Variants in EPB41L4A observed in about 807,000 individuals in gnomAD.
EPB41L4A encodes the protein erythrocyte membrane protein band 4.1 like 4A.
In EPB41L4A, 100 loss-of-function variants were observed where a neutral mutation model predicts 108.6. That is an observed-to-expected ratio of 0.92 (90% CI 0.78 to 1.09). The LOEUF is 1.09. Ranked by LOEUF, EPB41L4A falls within the 50% of genes least tolerant of loss-of-function variation. EPB41L4A has a pLI of 0.00. For synonymous variants in EPB41L4A, 319 were observed against 289.0 expected (o/e 1.10, Z -1.05); for missense variants, 1,030 against 842.7 (o/e 1.22, Z -2.75).
intron 15 of EPB41L4A, among the ~76,000 whole-genome samples, chr5:112,199,967 C>A (rs1580417744): frequency 6.6e-6 from 1 of 152,336 alleles, no homozygotes; most frequent in Admixed American, 6.5e-5. Flanking sequence ...CAGTGAGGGT[C>A]ATCTGTACAA....
chr5:112,240,844 G>A, intron 9 of EPB41L4A, 34 bp from the exon 10 acceptor site: 1 of 1,321,590 alleles, frequency 7.6e-7, no homozygotes, highest in African/African-American at 1.5e-5. Flanking sequence ...TATGAATAAT[G>A]ACCAGGGAAG....
intron 3 of EPB41L4A, among the ~76,000 whole-genome samples, chr5:112,278,124 A>C (rs1245680714): frequency 1.3e-5 from 2 of 152,186 alleles, no homozygotes; most frequent in Non-Finnish European, 2.9e-5. Context: ...CTTTCTGACT[A>C]ATCTATTAGA....
At chr5:112,300,009 T>C (rs1356031994) in intron 2 of EPB41L4A, among the ~76,000 whole-genome samples, 3 of 152,192 alleles carry the variant, frequency 2.0e-5, no homozygotes, top group African/African-American at 7.2e-5. Context: ...TCTTTTTCCA[T>C]CCCTTTATCT....
chr5:112,281,597 G>A (rs1397110854), intron 2 of EPB41L4A, among the ~76,000 whole-genome samples: 1 of 152,230 alleles, frequency 6.6e-6, no homozygotes, highest in East Asian at 1.9e-4. Flanking sequence ...TAATGAAGAA[G>A]GGGCAATTCC....
intron 9 of EPB41L4A, chr5:112,250,661 T>C (rs925908755): frequency 1.3e-5 from 2 of 152,166 alleles, no homozygotes; most frequent in African/African-American, 4.8e-5. Flanking sequence ...GTTTCAATTA[T>C]GGACAAAATC....
At chr5:112,260,512 G>C (rs919251808) in intron 7 of EPB41L4A, among the ~76,000 whole-genome samples, 9 of 152,178 alleles carry the variant, frequency 5.9e-5, no homozygotes, top group African/African-American at 1.9e-4. Context: ...GAAACCCACT[G>C]CATCCCCACC....
chr5:112,244,995 G>A (rs751914924), intron 9 of EPB41L4A, among the ~76,000 whole-genome samples: 7 of 151,674 alleles, frequency 4.6e-5, no homozygotes, highest in African/African-American at 1.5e-4. Context: ...ACAGTGACAC[G>A]AAGTGAGCAT....
chr5:112,196,955 C>T (rs1164402672), intron 15 of EPB41L4A: 2 of 152,188 alleles, frequency 1.3e-5, no homozygotes, highest in African/African-American at 4.8e-5. Context: ...CCAGATGTAA[C>T]TCTTTCATCT....
intron 1 of EPB41L4A, among the ~76,000 whole-genome samples, chr5:112,362,547 C>A (rs1758839603): frequency 6.6e-6 from 1 of 152,140 alleles, no homozygotes. Flanking sequence ...TCCCAAAGTG[C>A]TGGGATTACA....
chr5:112,274,965 GTA>G (rs1752522198), intron 4 of EPB41L4A, among the ~76,000 whole-genome samples: 1 of 152,174 alleles, frequency 6.6e-6, no homozygotes, highest in Admixed American at 6.5e-5. Context: ...CTGGGCAAAT[GTA>G]TATTTAGAAG....
intron 1 of EPB41L4A, among the ~76,000 whole-genome samples, chr5:112,314,409 T>C (rs1397151785): frequency 6.8e-6 from 1 of 146,422 alleles, no homozygotes; most frequent in Admixed American, 7.1e-5. Flanking sequence ...GGCTCATGCC[T>C]GTAATCCCAG....
chr5:112,318,687 C>T (rs1449982758), intron 1 of EPB41L4A, among the ~76,000 whole-genome samples: 2 of 152,188 alleles, frequency 1.3e-5, no homozygotes, highest in Non-Finnish European at 2.9e-5. Flanking sequence ...TGTTTCAAGC[C>T]ACTAAATGTT....
chr5:112,392,504 T>C (rs967027750), intron 1 of EPB41L4A, among the ~76,000 whole-genome samples: 3 of 146,266 alleles, frequency 2.1e-5, no homozygotes, highest in East Asian at 2.1e-4. Flanking sequence ...GGCCATTACA[T>C]AATGGTAAAG....
chr5:112,217,117 G>A (rs1747703869), intron 12 of EPB41L4A, among the ~76,000 whole-genome samples: 1 of 151,730 alleles, frequency 6.6e-6, no homozygotes, highest in Non-Finnish European at 1.5e-5. Flanking sequence ...GCTAATTTTT[G>A]TATTTTAGTA....
intron 15 of EPB41L4A, among the ~76,000 whole-genome samples, chr5:112,202,235 C>G (rs974710817): frequency 3.0e-4 from 45 of 152,170 alleles, no homozygotes; most frequent in Admixed American, 2.9e-3. Flanking sequence ...TGTCTAGCAT[C>G]CATCACGGTG....
chr5:112,297,002 C>CAA (rs918131420), intron 2 of EPB41L4A, among the ~76,000 whole-genome samples: 3 of 151,888 alleles, frequency 2.0e-5, no homozygotes, highest in Non-Finnish European at 4.4e-5. Context: ...CACACACACA[C>CAA]ACACACACAC....
chr5:112,209,910 G>C lies in EPB41L4A; in HGVS notation c.1160C>G (p.Ala387Gly), dbSNP rs1762651085. 16 of 1,600,404 alleles carry C rather than the reference G, an allele frequency of 1.0e-5. No homozygotes were observed. The highest frequency in any genetic ancestry group is 1.3e-5 in the Non-Finnish European group (15 of 1,169,556). Residue 387 changes from alanine to glycine, a missense_variant, in exon 13 of 23, where the codon GCA becomes GGA. By Grantham distance (60) the Ala-to-Gly change is moderately conservative. Transcript: ENST00000261486. ...GENEGTIKII[A>G]PSPVKSFKKA... ...CACTGACCTTTTTACTGGTGAAGGT[G>C]CAATAATTTTAATTGTTCCTTCATT...
chr5:112,148,091 C>T (rs1186612918), intron 12 of EPB41L4A, among the ~76,000 whole-genome samples: 3 of 124,716 alleles, frequency 2.4e-5, no homozygotes, highest in South Asian at 2.1e-4. Flanking sequence ...AATAGTATTA[C>T]TATAATATAA....
chr5:112,254,643 G>T (rs919365096), intron 9 of EPB41L4A, among the ~76,000 whole-genome samples: 5 of 151,942 alleles, frequency 3.3e-5, no homozygotes, highest in Non-Finnish European at 7.4e-5. Flanking sequence ...CCTTCTTTAG[G>T]TCTTCTACCC....
Sources: allele counts gnomAD v4.1 joint callset (sites outside exome capture counted in the v4.1 genomes callset), GRCh38; gene constraint gnomAD v4.1.1; transcripts MANE v1.5; gene names NCBI Gene and HGNC (gene_info 2026-07-23, HGNC 2026-07-21).